KHDRBS2: variants seen among roughly 807,000 people sequenced by gnomAD.
KHDRBS2 encodes KH domain-containing, RNA-binding, signal transduction-associated protein 2.
KHDRBS2 carries 26 observed loss-of-function variants against 44.3 expected under a neutral mutation model. That is an observed-to-expected ratio of 0.59 (90% CI 0.43 to 0.81). The LOEUF (loss-of-function observed/expected upper bound fraction) is 0.81, where lower values mean the gene tolerates loss of function less well. Among genes scored for constraint, KHDRBS2 ranks in the 40% least tolerant of loss-of-function variants. The probability of loss-of-function intolerance (pLI) is 0.00; values close to 1 mark genes in which losing one functional copy is unlikely to be tolerated. For synonymous variants in KHDRBS2, 194 were observed against 151.1 expected, an observed-to-expected ratio of 1.28 and a Z score of -2.08; for missense variants, 476 against 433.1, an observed-to-expected ratio of 1.10 and a Z score of -0.88.
At position 62,255,820 on chromosome 6, in the gene KHDRBS2, G is replaced by A. The variant is rs186160481; in HGVS notation, c.91+30038C>T. Among the ~76,000 whole-genome samples, 148 of 151,836 alleles carry A rather than the reference G, an allele frequency of 9.7e-4. 1 individual carries two copies. Among genetic ancestry groups the A allele is most frequent in the Non-Finnish European group, 1.1e-3 (75 of 67,858 alleles). On this transcript the variant is annotated intron_variant, in intron 1 of 8. Transcript: ENST00000281156. ...ATAAACTAAGTTGGTAAACTATATTGACACAAATTTTCTTACAAACTCAAA... is the reference window on the plus strand; with the variant it reads ...ATAAACTAAGTTGGTAAACTATATTAACACAAATTTTCTTACAAACTCAAA...
chr6:62,246,100 TTTTA>T (rs1204990259), intron 1 of KHDRBS2, among the ~76,000 whole-genome samples: 7 of 57,954 alleles, frequency 1.2e-4, no homozygotes, highest in Admixed American at 2.8e-4. Context: ...ATTCAATCAA[TTTTA>T]TATATATATA....
intron 6 of KHDRBS2, among the ~76,000 whole-genome samples, chr6:61,802,065 T>G (rs1431274420): frequency 1.2e-4 from 18 of 152,098 alleles, no homozygotes; most frequent in Non-Finnish European, 2.5e-4. Flanking sequence ...ATAGGTAGAC[T>G]GTAGGATTTG....
chr6:61,591,689 T>C, the KHDRBS2 span, among the ~76,000 whole-genome samples: 1 of 151,914 alleles, frequency 6.6e-6, no homozygotes, highest in African/African-American at 2.4e-5. Flanking sequence ...AGACAAGGAG[T>C]TATTGATTTC....
At position 61,954,827 on chromosome 6, in the gene KHDRBS2, CATGCATATGTATGT is replaced by C. The variant is rs1488431359; in HGVS notation, c.483+23225_483+23238del. Among the ~76,000 whole-genome samples the C allele has an allele frequency of 2.1e-4, 20 of 93,076 alleles. 2 individuals carry two copies. The highest frequency in any genetic ancestry group is 1.7e-3 in the South Asian group (5 of 2,868). The allele number at this position is 93,076 out of a possible 152,430, so 61.1% of individuals were successfully genotyped here. A position where few individuals can be genotyped will look rare whatever the true frequency, so the allele number is the denominator to read the frequency against. The stretch of plus-strand genomic sequence containing the variant: ...GTATACATACGCATGTGTATATACA[CATGCATATGTATGT>C]ATACATATGCATGTGTATATACACA... On this transcript the variant is annotated intron_variant, in intron 4 of 8. Coordinates refer to ENST00000281156, the MANE Select transcript of KHDRBS2 (RefSeq NM_152688.4).
Position 61,707,136 on chromosome 6 carries a change from A to C in KHDRBS2, c.894-9883T>G, listed in dbSNP as rs1384653806. Among the ~76,000 whole-genome samples, 3 of 151,680 alleles carry C rather than the reference A, an allele frequency of 2.0e-5. No homozygotes were observed. The East Asian group carries it at 5.8e-4, about 29-fold the overall frequency. ...ATCTTTGGAAATTCAGAGGAAGAGCATTCTAGGAAAAAAGAATAGAAAACA... is the reference window on the plus strand; with the variant it reads ...ATCTTTGGAAATTCAGAGGAAGAGCCTTCTAGGAAAAAAGAATAGAAAACA... On this transcript the variant is annotated intron_variant, in intron 7 of 8. Transcript: ENST00000281156.
chr6:62,132,820 A>G (rs907710499), intron 2 of KHDRBS2, among the ~76,000 whole-genome samples: 10 of 152,232 alleles, frequency 6.6e-5, no homozygotes, highest in Non-Finnish European at 1.2e-4. Flanking sequence ...AATCCCATAA[A>G]TTCCAGCATC....
chr6:62,264,790 G>A (rs1267969479), intron 1 of KHDRBS2, among the ~76,000 whole-genome samples: 2 of 151,206 alleles, frequency 1.3e-5, no homozygotes, highest in Admixed American at 1.3e-4. Context: ...AATTTATTAG[G>A]CCTTTTTCCT....
the KHDRBS2 span, among the ~76,000 whole-genome samples, chr6:61,614,660 G>C: frequency 6.6e-6 from 1 of 152,122 alleles, no homozygotes; most frequent in Non-Finnish European, 1.5e-5. Context: ...TTTTATTCTA[G>C]ATAGAGGCAT....
the KHDRBS2 span, among the ~76,000 whole-genome samples, chr6:61,665,486 T>A: frequency 6.6e-6 from 1 of 151,420 alleles, no homozygotes; most frequent in Non-Finnish European, 1.5e-5. Flanking sequence ...ATCAGTTCAA[T>A]AGATAATACT....
chr6:61,899,095 C>T (rs1380571523), intron 5 of KHDRBS2, among the ~76,000 whole-genome samples: 2 of 151,796 alleles, frequency 1.3e-5, no homozygotes, highest in Non-Finnish European at 3.0e-5. Context: ...TAACTTCTTA[C>T]TAGATGTCCA....
intron 7 of KHDRBS2, among the ~76,000 whole-genome samples, chr6:61,712,378 A>G (rs1349714440): frequency 1.3e-5 from 2 of 151,968 alleles, no homozygotes; most frequent in East Asian, 3.9e-4. Context: ...TGACATGTGG[A>G]TGCAAAAACA....
rs1039251987 is a variant in KHDRBS2, at chr6:62,084,655, A to G, written c.220-36661T>C. On this transcript the variant is annotated intron_variant, in intron 2 of 8. Transcript: ENST00000281156. ...ACACAATTATTCTGAACTAATAAAG[A>G]TATTTTTAGGGTATGAAATTATTAA... Among the ~76,000 whole-genome samples, 7 of 152,166 alleles carry G rather than the reference A, an allele frequency of 4.6e-5. No homozygotes were observed. The South Asian group carries it at 8.3e-4, about 18-fold the overall frequency.
Position 61,843,910 on chromosome 6 carries a change from G to A in KHDRBS2, c.810+50725C>T, listed in dbSNP as rs181103512. ...TTGATATTTCTCACCTCTTTCTATC[G>A]AATGAACCCTTAATTCTATTTGATT... On this transcript the variant is annotated intron_variant, in intron 6 of 8. Coordinates refer to ENST00000281156, the MANE Select transcript of KHDRBS2 (RefSeq NM_152688.4). Among the ~76,000 whole-genome samples the A allele has an allele frequency of 4.5e-4, 69 of 151,908 alleles. No individual in the cohort carries two copies. In the East Asian group the frequency reaches 5.6e-3, roughly 12 times the overall value.
At chr6:61,938,328 T>C (rs774300870) in intron 4 of KHDRBS2, among the ~76,000 whole-genome samples, 2 of 152,174 alleles carry the variant, frequency 1.3e-5, no homozygotes, top group Non-Finnish European at 2.9e-5. Context: ...GAAAAACGTA[T>C]AGATTTAGGA....
chr6:61,800,978 T>G (rs930565859), intron 6 of KHDRBS2, among the ~76,000 whole-genome samples: 1 of 152,150 alleles, frequency 6.6e-6, no homozygotes, highest in African/African-American at 2.4e-5. Context: ...CAGGACATCC[T>G]GGGTGCATAT....
chr6:61,886,485 T>G (rs1800976143), intron 6 of KHDRBS2, among the ~76,000 whole-genome samples: 2 of 149,714 alleles, frequency 1.3e-5, no homozygotes, highest in Non-Finnish European at 3.0e-5. Flanking sequence ...TATAGCCATC[T>G]GTGATAATTC....
At chr6:61,975,995 A>C (rs982332569) in intron 4 of KHDRBS2, among the ~76,000 whole-genome samples, 1 of 152,298 alleles carries the variant, frequency 6.6e-6, no homozygotes, top group African/African-American at 2.4e-5. Flanking sequence ...ATGAACAAAA[A>C]CCAGCATGTC....
chr6:62,230,732 C>T (rs924619492), intron 1 of KHDRBS2, among the ~76,000 whole-genome samples: 1 of 152,192 alleles, frequency 6.6e-6, no homozygotes. Context: ...TTAAGATTCA[C>T]AGGGCAATTA....
the KHDRBS2 span, among the ~76,000 whole-genome samples, chr6:61,553,464 T>A: frequency 3.3e-5 from 5 of 152,270 alleles, no homozygotes; most frequent in African/African-American, 1.2e-4. Flanking sequence ...ACTCCTGGAT[T>A]CATTCATCAT....
Sources: allele counts gnomAD v4.1 joint callset (sites outside exome capture counted in the v4.1 genomes callset), GRCh38; gene constraint gnomAD v4.1.1; transcripts MANE v1.5; gene names NCBI Gene and HGNC (gene_info 2026-07-23, HGNC 2026-07-21).